The following FMN1 variants were observed in gnomAD, a reference collection of about 807,000 sequenced individuals.
FMN1 encodes formin-1.
In FMN1, 110 loss-of-function variants were observed where a neutral mutation model predicts 132.4. The observed-to-expected ratio is 0.83, with a 90% CI of 0.71 to 0.97. The LOEUF (loss-of-function observed/expected upper bound fraction) is 0.97. Ranked by LOEUF, FMN1 falls within the 50% of genes least tolerant of loss-of-function variation. The probability of loss-of-function intolerance (pLI) is 0.00; values close to 1 mark genes in which losing one functional copy is unlikely to be tolerated. For synonymous variants in FMN1, 722 were observed against 651.7 expected (o/e 1.11, Z -1.64); for missense variants, 1,792 against 1,705.3 (o/e 1.05, Z -0.90).
chr15:32,868,613 C>T (rs555620490), intron 16 of FMN1, among the ~76,000 whole-genome samples: 7 of 152,254 alleles, frequency 4.6e-5, no homozygotes, highest in African/African-American at 1.2e-4. Flanking sequence ...TACACCGACA[C>T]GTGAAAAACA....
At chr15:33,146,982 G>A (rs999247876) in intron 4 of FMN1, among the ~76,000 whole-genome samples, 1 of 152,042 alleles carries the variant, frequency 6.6e-6, no homozygotes, top group African/African-American at 2.4e-5. Context: ...AGACGAGCCT[G>A]GCCAACGTGG....
At position 33,184,650 on chromosome 15, in the gene FMN1, G is replaced by A. The variant is rs1460772157; in HGVS notation, c.-196-4388C>T. 2.6e-5 allele frequency among the ~76,000 whole-genome samples: 4 copies of A among 151,740 alleles called. No homozygotes were observed. In the East Asian group the frequency reaches 7.7e-4, roughly 29 times the overall value. ...TCTCAAGCAGCTGGGATTACAGGCGGGCGCCACCACACTCAGCTAATTTTC... is the reference window on the plus strand; with the variant it reads ...TCTCAAGCAGCTGGGATTACAGGCGAGCGCCACCACACTCAGCTAATTTTC... On this transcript the variant is annotated intron_variant, in intron 2 of 20. Coordinates refer to ENST00000616417, the MANE Select transcript of FMN1 (RefSeq NM_001277313.2).
chr15:33,128,430 C>T (rs1042460616), intron 4 of FMN1, among the ~76,000 whole-genome samples: 1 of 152,146 alleles, frequency 6.6e-6, no homozygotes, highest in Admixed American at 6.5e-5. Flanking sequence ...TTCTTTCTAC[C>T]TCCTAAAAGA....
intron 10 of FMN1, among the ~76,000 whole-genome samples, chr15:32,921,898 C>T (rs548377206): frequency 6.6e-6 from 1 of 152,212 alleles, no homozygotes; most frequent in South Asian, 2.1e-4. Context: ...GTCTCGAACT[C>T]CTGGGCTCAA....
chr15:33,012,597 G>A (rs981732462), intron 6 of FMN1: 3 of 1,186,592 alleles, frequency 2.5e-6, no homozygotes, highest in Non-Finnish European at 3.7e-6. Flanking sequence ...CTGTGGATAA[G>A]ACTGTCGTTC....
At chr15:33,127,320 CCA>C (rs1444709425) in intron 4 of FMN1, among the ~76,000 whole-genome samples, 7 of 152,012 alleles carry the variant, frequency 4.6e-5, no homozygotes, top group African/African-American at 1.4e-4. Context: ...TAATGCTCCT[CCA>C]CATTCAACCT....
chr15:32,841,186 T>C (rs1025328153), intron 17 of FMN1, among the ~76,000 whole-genome samples: 1 of 152,220 alleles, frequency 6.6e-6, no homozygotes, highest in Non-Finnish European at 1.5e-5. Context: ...TTCTAGCTTA[T>C]TCCTTCTTAG....
intron 2 of FMN1, among the ~76,000 whole-genome samples, chr15:33,182,047 A>G (rs925844603): frequency 1.3e-5 from 2 of 152,144 alleles, no homozygotes; most frequent in Admixed American, 6.6e-5. Context: ...AGACTGCTCT[A>G]TGGAAAATAG....
At chr15:33,039,812 A>G (rs1216089552) in intron 6 of FMN1, among the ~76,000 whole-genome samples, 3 of 152,208 alleles carry the variant, frequency 2.0e-5, no homozygotes, top group Non-Finnish European at 2.9e-5. Context: ...GTATCTGTTC[A>G]TAAGAAAATA....
At chr15:33,190,710 T>G (rs545177506) in intron 2 of FMN1, among the ~76,000 whole-genome samples, 1 of 152,184 alleles carries the variant, frequency 6.6e-6, no homozygotes, top group Middle Eastern at 3.2e-3. Flanking sequence ...GCACTCATAC[T>G]GGAAGGCCTG....
chr15:33,008,440 C>T (rs959614253), intron 6 of FMN1, among the ~76,000 whole-genome samples: 5 of 151,728 alleles, frequency 3.3e-5, no homozygotes. Flanking sequence ...GCAGACAGGG[C>T]AGGAAACAAA....
At chr15:33,191,571 A>G (rs1330106119) in intron 2 of FMN1, among the ~76,000 whole-genome samples, 1 of 152,162 alleles carries the variant, frequency 6.6e-6, no homozygotes, top group Non-Finnish European at 1.5e-5. Context: ...AATCCAGGTT[A>G]CTCTGGGAGA....
intron 5 of FMN1, chr15:33,067,501 T>A (rs2037797513): frequency 2.5e-6 from 4 of 1,613,872 alleles, no homozygotes; most frequent in Admixed American, 1.7e-5. Flanking sequence ...CTTTTGTCCC[T>A]TTCAAAGTAG....
At position 33,076,494 on chromosome 15, in the gene FMN1, A is replaced by T. The variant is rs567169988; in HGVS notation, c.2044-11420T>A. 1.0e-2 allele frequency among the ~76,000 whole-genome samples: 1,522 copies of T among 152,254 alleles called. 23 individuals carry two copies. The highest frequency in any genetic ancestry group is 0.035 in the African/African-American group (1,453 of 41,540). ...TCATTTCAAAATATTTTTAAAGGGG[A>T]CAAAAGAAAATCTAGGGAAGGTGGG... On this transcript the variant is annotated intron_variant, in intron 5 of 20. Coordinates refer to ENST00000616417, the MANE Select transcript of FMN1 (RefSeq NM_001277313.2).
intron 16 of FMN1, among the ~76,000 whole-genome samples, chr15:32,872,356 T>C (rs2059536178): frequency 6.6e-6 from 1 of 151,064 alleles, no homozygotes; most frequent in Non-Finnish European, 1.5e-5. Flanking sequence ...CAGGTATCAT[T>C]AGTGCAAGAC....
intron 5 of FMN1, among the ~76,000 whole-genome samples, chr15:33,087,812 C>CATATAT (rs778597228): frequency 1.9e-5 from 2 of 107,962 alleles, no homozygotes; most frequent in African/African-American, 7.9e-5. Context: ...TATACATATA[C>CATATAT]ACATATATAT....
intron 16 of FMN1, among the ~76,000 whole-genome samples, chr15:32,875,953 G>A (rs2059626940): frequency 6.6e-6 from 1 of 152,074 alleles, no homozygotes; most frequent in South Asian, 2.1e-4. Flanking sequence ...TTCCTATCTC[G>A]AAGACTCTGT....
chr15:32,856,975 T>C, intron 17 of FMN1, 40 bp downstream of exon 17: 1 of 1,425,454 alleles, frequency 7.0e-7, no homozygotes, highest in Non-Finnish European at 9.9e-7. Context: ...TGAAGGATGT[T>C]TCAGGGCCAC....
chr15:33,041,701 C>T (rs766519217), intron 6 of FMN1, among the ~76,000 whole-genome samples: 7 of 150,994 alleles, frequency 4.6e-5, no homozygotes, highest in Non-Finnish European at 8.9e-5. Flanking sequence ...TAAAAAAAAA[C>T]GGTAAATAAG....
Sources: allele counts gnomAD v4.1 joint callset (sites outside exome capture counted in the v4.1 genomes callset), GRCh38; gene constraint gnomAD v4.1.1; transcripts MANE v1.5; gene names NCBI Gene and HGNC (gene_info 2026-07-23, HGNC 2026-07-21).